The following AFG2A variants were observed in gnomAD, a reference collection of about 807,000 sequenced individuals.
AFG2A encodes AAA ATPase AFG2A, also known as ATPase family gene 2 protein homolog A.
the AFG2A span, among the ~76,000 whole-genome samples, chr4:122,924,027 A>G: frequency 6.6e-6 from 1 of 152,236 alleles, no homozygotes; most frequent in African/African-American, 2.4e-5. Flanking sequence ...GAAAATTTAT[A>G]TTTGATGTGT....
the AFG2A span, among the ~76,000 whole-genome samples, chr4:123,033,846 G>A: frequency 6.6e-6 from 1 of 152,098 alleles, no homozygotes; most frequent in Admixed American, 6.5e-5. Flanking sequence ...TATAAGCTTT[G>A]GGGAGCATTA....
At chr4:123,233,147 AT>A in the AFG2A span, among the ~76,000 whole-genome samples, 1 of 152,126 alleles carries the variant, frequency 6.6e-6, no homozygotes, top group Non-Finnish European at 1.5e-5. Flanking sequence ...ACGTGAAAAG[AT>A]TTTAAAAATT....
the AFG2A span, among the ~76,000 whole-genome samples, chr4:122,947,937 A>C: frequency 2.0e-5 from 3 of 152,190 alleles, no homozygotes; most frequent in African/African-American, 7.2e-5. Flanking sequence ...TATATTGGAA[A>C]ATTTTTTGGA....
At chr4:123,263,038 GGGATGAAGCAGA>G in the AFG2A span, among the ~76,000 whole-genome samples, 4 of 152,280 alleles carry the variant, frequency 2.6e-5, no homozygotes, top group Admixed American at 6.5e-5. Flanking sequence ...GAAGTAGTAG[GGGATGAAGCAGA>G]AAAAGTAGGT....
At chr4:123,049,997 A>G in the AFG2A span, among the ~76,000 whole-genome samples, 1 of 151,966 alleles carries the variant, frequency 6.6e-6, no homozygotes, top group Non-Finnish European at 1.5e-5. Flanking sequence ...TGTAGATTCT[A>G]GTATTTTGTG....
the AFG2A span, among the ~76,000 whole-genome samples, chr4:123,084,614 GTA>G: frequency 4.1e-3 from 612 of 148,652 alleles, 1 homozygote; most frequent in African/African-American, 0.014. Context: ...GTGTGTGTGT[GTA>G]TATATATATA....
the AFG2A span, among the ~76,000 whole-genome samples, chr4:123,144,913 C>T: frequency 2.0e-5 from 3 of 151,980 alleles, no homozygotes; most frequent in Non-Finnish European, 4.4e-5. Context: ...GTGGAACTGG[C>T]TTTGAAAATG....
At chr4:123,145,574 G>C in the AFG2A span, among the ~76,000 whole-genome samples, 1 of 152,108 alleles carries the variant, frequency 6.6e-6, no homozygotes, top group Admixed American at 6.6e-5. Context: ...CACAAAGTTA[G>C]TAGTCAGTAG....
chr4:123,318,756 C>G, the AFG2A span: 1 of 67,542 alleles, frequency 1.5e-5, no homozygotes, highest in African/African-American at 3.6e-5. Context: ...GAGATCCTAT[C>G]TCTTAAAAAA....
the AFG2A span, among the ~76,000 whole-genome samples, chr4:122,996,085 C>A: frequency 1.3e-5 from 2 of 152,200 alleles, no homozygotes; most frequent in Non-Finnish European, 2.9e-5. Context: ...TATTGATCAT[C>A]TCTAGTATGA....
the AFG2A span, among the ~76,000 whole-genome samples, chr4:123,237,783 C>G: frequency 6.6e-6 from 1 of 151,018 alleles, no homozygotes. Flanking sequence ...GTGATTTCTG[C>G]GTTTCCAACT....
the AFG2A span, among the ~76,000 whole-genome samples, chr4:122,931,289 T>G: frequency 1.3e-5 from 2 of 152,152 alleles, no homozygotes; most frequent in Non-Finnish European, 2.9e-5. Flanking sequence ...ATACATATAT[T>G]TGATTCATGA....
the AFG2A span, among the ~76,000 whole-genome samples, chr4:123,149,798 C>CT: frequency 0.01 from 1,259 of 121,464 alleles, 67 homozygotes; most frequent in African/African-American, 0.013. Context: ...TAGGAAATAG[C>CT]TTTTTTTTTT....
the AFG2A span, among the ~76,000 whole-genome samples, chr4:122,978,908 G>A: frequency 6.6e-6 from 1 of 152,254 alleles, no homozygotes; most frequent in African/African-American, 2.4e-5. Flanking sequence ...GGCAGTAGAA[G>A]CAGGCACTTC....
the AFG2A span, among the ~76,000 whole-genome samples, chr4:123,002,600 A>T: frequency 6.6e-6 from 1 of 152,066 alleles, no homozygotes; most frequent in South Asian, 2.1e-4. Flanking sequence ...CTGGGTTGAA[A>T]ATTCTTTTCT....
chr4:123,087,450 A>C, the AFG2A span, among the ~76,000 whole-genome samples: 2 of 152,174 alleles, frequency 1.3e-5, no homozygotes, highest in Non-Finnish European at 2.9e-5. Flanking sequence ...AAGCTCTGGG[A>C]AAAAATATTT....
chr4:123,119,219 C>T, the AFG2A span, among the ~76,000 whole-genome samples: 1 of 151,952 alleles, frequency 6.6e-6, no homozygotes, highest in Non-Finnish European at 1.5e-5. Flanking sequence ...GTATTTTTTA[C>T]TCATGTTTTG....
At chr4:123,318,907 T>A in the AFG2A span, 5 of 152,248 alleles carry the variant, frequency 3.3e-5, no homozygotes, top group African/African-American at 4.8e-5. Context: ...GACAATTTAC[T>A]TTTTGGCATC....
At chr4:122,935,919 A>C in the AFG2A span, 1 of 1,431,050 alleles carries the variant, frequency 7.0e-7, no homozygotes. Context: ...ATGATTGTGT[A>C]GTATTCTGTG....
Sources: gnomAD v4.1 joint callset for allele counts (sites outside exome capture counted in the v4.1 genomes callset) on GRCh38, gnomAD v4.1.1 for gene constraint, MANE v1.5 for transcripts, NCBI Gene and HGNC (gene_info 2026-07-23, HGNC 2026-07-21) for gene names.